Variants in CSMD1 observed in about 807,000 individuals in gnomAD.
CSMD1 encodes the protein CUB and sushi domain-containing protein 1.
Under a neutral mutation model 417.5 loss-of-function variants are expected in CSMD1, and 213 were observed. The ratio of observed to expected loss-of-function variants is 0.51; its 90% confidence interval spans 0.46 to 0.57. CSMD1 has a LOEUF of 0.57. Among genes scored for constraint, CSMD1 ranks in the 20% least tolerant of loss-of-function variants. CSMD1 has a pLI of 0.00. For missense variants in CSMD1, 6,923 were observed against 4,529.7 expected (o/e 1.53, Z -15.17); for synonymous variants, 2,862 against 1,736.8 (o/e 1.65, Z -16.11).
chr8:4,425,222 G>A (rs992091485), intron 2 of CSMD1, among the ~76,000 whole-genome samples: 6 of 152,018 alleles, frequency 3.9e-5, no homozygotes, highest in African/African-American at 1.4e-4. Context: ...AGTTCAGGAA[G>A]TAGGAACAAG....
intron 2 of CSMD1, among the ~76,000 whole-genome samples, chr8:4,433,696 G>A (rs1001213331): frequency 6.6e-6 from 1 of 152,170 alleles, no homozygotes; most frequent in African/African-American, 2.4e-5. Context: ...CACCTGGCAT[G>A]TGAATATATA....
rs1470687343 is a variant in CSMD1, at chr8:4,865,235, C to G, written c.85+129097G>C. Among the ~76,000 whole-genome samples, 3 of 151,728 alleles carry G rather than the reference C, an allele frequency of 2.0e-5. No homozygotes were observed. The East Asian group carries it at 5.8e-4, about 29-fold the overall frequency. On this transcript the variant is annotated intron_variant, in intron 1 of 69. Coordinates refer to ENST00000635120, the MANE Select transcript of CSMD1 (RefSeq NM_033225.6). ...AGTCCTTTATTTAAAAAATTAAATA[C>G]TTGTACCAACATAAAACTTCTATGT...
At chr8:4,138,341 G>C (rs556823072) in intron 3 of CSMD1, among the ~76,000 whole-genome samples, 4,360 of 151,350 alleles carry the variant, frequency 0.029, 338 homozygotes, top group African/African-American at 0.1. Context: ...TTGAGTTGTG[G>C]CAAAGCTGGG....
At position 4,401,050 on chromosome 8, in the gene CSMD1, A is replaced by T. The variant is rs138506413; in HGVS notation, c.415+18903T>A. 2.4e-3 allele frequency among the ~76,000 whole-genome samples: 370 copies of T among 152,290 alleles called. 1 individual carries two copies. The highest frequency in any genetic ancestry group is 8.1e-3 in the African/African-American group (336 of 41,560). Reference sequence around the variant, plus strand: ...AAAGTTAATATACGCTGAGCATGCAATATGATATACTTGATTTTAAGAAAA... The same window carrying T: ...AAAGTTAATATACGCTGAGCATGCATTATGATATACTTGATTTTAAGAAAA... On this transcript the variant is annotated intron_variant, in intron 3 of 69. Transcript: ENST00000635120.
At chr8:2,973,331 A>T (rs1427697819) in intron 56 of CSMD1, 32 bp from the exon 57 acceptor site, 1 of 1,602,072 alleles carries the variant, frequency 6.2e-7, no homozygotes, top group South Asian at 1.1e-5. Flanking sequence ...GGCAATCCAC[A>T]ATTGTGTTAG....
At chr8:4,084,494 C>G (rs1277865032) in intron 3 of CSMD1, among the ~76,000 whole-genome samples, 3 of 152,188 alleles carry the variant, frequency 2.0e-5, no homozygotes, top group African/African-American at 7.2e-5. Context: ...CATTAAGCCT[C>G]TAACATTTTA....
intron 1 of CSMD1, among the ~76,000 whole-genome samples, chr8:4,642,631 T>C (rs201285375): frequency 2.0e-5 from 3 of 152,202 alleles, no homozygotes; most frequent in East Asian, 3.9e-4. Flanking sequence ...CAGAAAGTAG[T>C]AGAGGTGGAC....
chr8:3,440,712 T>G (rs530416596), intron 12 of CSMD1, among the ~76,000 whole-genome samples: 1 of 152,304 alleles, frequency 6.6e-6, no homozygotes, highest in Non-Finnish European at 1.5e-5. Context: ...ATATCCTTGG[T>G]GGGTTCTTAC....
intron 3 of CSMD1, among the ~76,000 whole-genome samples, chr8:4,151,808 G>T (rs1432257860): frequency 6.6e-6 from 1 of 152,130 alleles, no homozygotes; most frequent in African/African-American, 2.4e-5. Context: ...AAAAATAATT[G>T]TTCGAAGTTT....
In CSMD1 at chr8:4,775,914, C is replaced by T. The variant is rs140523525; in HGVS notation, c.86-138356G>A. Among the ~76,000 whole-genome samples the T allele has an allele frequency of 1.1e-3, 162 of 152,256 alleles. 1 individual carries two copies. The highest frequency in any genetic ancestry group is 1.8e-3 in the Non-Finnish European group (123 of 68,020). On this transcript the variant is annotated intron_variant, in intron 1 of 69. Transcript: ENST00000635120. The stretch of plus-strand genomic sequence containing the variant: ...AGAGAGGACAAGTTAGGGAGTGGCA[C>T]GCCGCAGCCATCCTGAATTAGTCAA...
chr8:3,355,691 G>T (rs1403907447), intron 21 of CSMD1, among the ~76,000 whole-genome samples: 2 of 152,138 alleles, frequency 1.3e-5, no homozygotes, highest in Non-Finnish European at 2.9e-5. Context: ...GAGATGCTGA[G>T]ACCTCAGGTT....
intron 1 of CSMD1, among the ~76,000 whole-genome samples, chr8:4,908,988 G>A (rs10216719): frequency 0.24 from 36,463 of 151,878 alleles, 5,073 homozygotes; most frequent in East Asian, 0.52. Flanking sequence ...GCTTTTTCTC[G>A]TTTTCTTTTT....
intron 3 of CSMD1, among the ~76,000 whole-genome samples, chr8:4,236,540 A>C (rs934867580): frequency 6.6e-6 from 1 of 152,188 alleles, no homozygotes; most frequent in East Asian, 1.9e-4. Context: ...ATTTCATGTG[A>C]CTTAGAAAAA....
intron 1 of CSMD1, among the ~76,000 whole-genome samples, chr8:4,862,002 A>C (rs189036232): frequency 6.6e-6 from 1 of 152,220 alleles, no homozygotes; most frequent in Non-Finnish European, 1.5e-5. Flanking sequence ...ATGAAAATAA[A>C]GTAGGATTTT....
At chr8:3,432,307 G>A (rs1020549257) in intron 12 of CSMD1, among the ~76,000 whole-genome samples, 17 of 151,874 alleles carry the variant, frequency 1.1e-4, no homozygotes, top group East Asian at 1.9e-4. Context: ...AAAGATAGAC[G>A]GTTAAAAGAA....
chr8:4,830,551 G>A (rs564679507), intron 1 of CSMD1, among the ~76,000 whole-genome samples: 26 of 152,198 alleles, frequency 1.7e-4, no homozygotes, highest in Non-Finnish European at 2.9e-4. Context: ...TGTGTGTCAA[G>A]AGGAGACATC....
Position 4,163,723 on chromosome 8 carries a change from T to C in CSMD1, c.416-131624A>G, listed in dbSNP as rs554326727. ...AATTTTTTTATGGTGGATGTGATGA[T>C]CTTGATTAATCAGTAGCACTAATAC... On this transcript the variant is annotated intron_variant, in intron 3 of 69. Transcript: ENST00000635120. 6.8e-4 allele frequency among the ~76,000 whole-genome samples: 104 copies of C among 152,348 alleles called. No homozygotes were observed. The Middle Eastern group carries it at 0.01, about 15-fold the overall frequency.
chr8:4,688,112 T>C (rs1017257409), intron 1 of CSMD1, among the ~76,000 whole-genome samples: 5 of 152,276 alleles, frequency 3.3e-5, no homozygotes, highest in Middle Eastern at 3.4e-3. Context: ...CATGTAGAAA[T>C]TGGAGGATTG....
At chr8:3,728,853 C>G (rs1024994866) in intron 6 of CSMD1, among the ~76,000 whole-genome samples, 1 of 152,174 alleles carries the variant, frequency 6.6e-6, no homozygotes. Flanking sequence ...TTTACTGAAG[C>G]AGATTCATGG....
Sources: gnomAD v4.1 joint callset for allele counts (sites outside exome capture counted in the v4.1 genomes callset) on GRCh38, gnomAD v4.1.1 for gene constraint, MANE v1.5 for transcripts, NCBI Gene and HGNC (gene_info 2026-07-23, HGNC 2026-07-21) for gene names.